FBXO3: variants seen among roughly 807,000 people sequenced by gnomAD.
FBXO3 encodes the protein F-box only protein 3.
Under a neutral mutation model 64.8 loss-of-function variants are expected in FBXO3, and 17 were observed. That is an observed-to-expected ratio of 0.26 (90% confidence interval 0.18 to 0.39). The LOEUF (loss-of-function observed/expected upper bound fraction) is 0.39, where lower values mean the gene tolerates loss of function less well. FBXO3 is among the 10% of genes least tolerant of loss of function. FBXO3 has a pLI of 1.00. For synonymous variants in FBXO3, 182 were observed against 201.6 expected (o/e 0.90, Z 0.82); for missense variants, 420 against 589.9 (o/e 0.71, Z 2.98).
At chr11:33,752,723 T>G (rs1854993071) in intron 6 of FBXO3, among the ~76,000 whole-genome samples, 1 of 152,186 alleles carries the variant, frequency 6.6e-6, no homozygotes, top group Non-Finnish European at 1.5e-5. Context: ...TAAGAAGTTA[T>G]ATAAATAATG....
chr11:33,754,700 T>G (rs1338861533), intron 5 of FBXO3, among the ~76,000 whole-genome samples, 200 bp from the exon 6 acceptor site: 1 of 152,156 alleles, frequency 6.6e-6, no homozygotes, highest in Non-Finnish European at 1.5e-5. Flanking sequence ...TACTCATTTC[T>G]TTCAGTAAAT....
chr11:33,745,867 C>T (rs554137429), intron 10 of FBXO3: 1 of 151,998 alleles, frequency 6.6e-6, no homozygotes, highest in Non-Finnish European at 1.5e-5. Context: ...ATAAAAATTA[C>T]AAACCCCTAA....
chr11:33,761,266 A>C (rs1349677332), intron 3 of FBXO3, among the ~76,000 whole-genome samples: 2 of 152,184 alleles, frequency 1.3e-5, no homozygotes, highest in African/African-American at 4.8e-5. Context: ...ACACATTAGT[A>C]AATCTATTAA....
At chr11:33,766,736 T>C (rs540130258) in intron 3 of FBXO3, among the ~76,000 whole-genome samples, 1 of 152,344 alleles carries the variant, frequency 6.6e-6, no homozygotes, top group South Asian at 2.1e-4. Context: ...AACCTTGCAA[T>C]TGAATCAGAG....
chr11:33,747,287 T>C lies in FBXO3; in HGVS notation c.1082A>G (p.Tyr361Cys). 6.2e-7 allele frequency: 1 copy of C among 1,613,490 alleles called. No individual in the cohort carries two copies. ...GAATGTGGTACAGCTTGTGTATTCA[T>C]ATACCCGACCTGGGCTGATGATTGG... ...EFPIISPGRV[Y>C]EYTSCTTFST... Residue 361 changes from tyrosine to cysteine, a missense_variant, in exon 10 of 11, where the codon TAT (tyrosine) becomes TGT (cysteine). Physicochemically the swap from Tyr to Cys is radical, Grantham distance 194. Around this residue, in one of 3 missense-constraint regions of FBXO3, gnomAD observed 337 missense variants for 518.4 expected, o/e 0.65. Coordinates refer to ENST00000265651, the MANE Select transcript of FBXO3 (RefSeq NM_012175.4).
At chr11:33,744,080 C>T (rs892928556) in intron 10 of FBXO3, 9 of 152,026 alleles carry the variant, frequency 5.9e-5, no homozygotes, top group African/African-American at 1.4e-4. Flanking sequence ...TACACTGATA[C>T]GACTTATAAG....
intron 2 of FBXO3, among the ~76,000 whole-genome samples, chr11:33,769,424 G>A (rs1426990358): frequency 6.6e-6 from 1 of 152,066 alleles, no homozygotes; most frequent in Non-Finnish European, 1.5e-5. Context: ...CACTGAATTA[G>A]TTGAGAATCA....
In FBXO3 at chr11:33,746,666, G is replaced by T. The variant is rs549000161; in HGVS notation, c.1239+464C>A. On this transcript the variant is annotated intron_variant, in intron 10 of 10. Transcript: ENST00000265651. ...TGTCATAAGGTAACCCTAAAAACGA[G>T]ATTTTAAAAAATATACCTAGTTGAC... The T allele has an allele frequency of 1.1e-5, 13 of 1,140,434 alleles. No individual in the cohort carries two copies. The African/African-American group carries it at 1.5e-4, about 14-fold the overall frequency. The allele number at this position is 1,140,434 out of a possible 1,614,324, so 70.6% of individuals were successfully genotyped here. A position where few individuals can be genotyped will look rare whatever the true frequency, so the allele number is the denominator to read the frequency against.
rs528030883 is a variant in FBXO3, at chr11:33,754,625, T to G, written c.679-125A>C. On this transcript the variant is annotated intron_variant, in intron 5 of 10. Transcript: ENST00000265651. ...AAAATAAAGTTGAGATAAGAAGATA[T>G]ATGGCTTGTTATCCTAGAAGAAAGG... is the stretch of plus-strand genomic sequence containing the variant. 1.6e-5 allele frequency: 11 copies of G among 674,980 alleles called. No homozygotes were observed. The African/African-American group carries it at 1.8e-4, about 11-fold the overall frequency. The allele number at this position is 674,980 out of a possible 1,614,324, so 41.8% of individuals were successfully genotyped here. A position where few individuals can be genotyped will look rare whatever the true frequency, so the allele number is the denominator to read the frequency against.
intron 1 of FBXO3, chr11:33,774,052 G>A (rs1855576877): frequency 3.5e-6 from 1 of 288,248 alleles, no homozygotes; most frequent in African/African-American, 2.3e-5. Context: ...CCCCAACCGG[G>A]CGGGCACCTG....
intron 4 of FBXO3, among the ~76,000 whole-genome samples, chr11:33,756,855 G>A (rs1013395697): frequency 2.0e-5 from 3 of 152,094 alleles, no homozygotes; most frequent in Non-Finnish European, 4.4e-5. Flanking sequence ...CTGAGTAGCT[G>A]GAGCTATAAG....
chr11:33,747,814 C>T (rs1183342798), intron 9 of FBXO3, among the ~76,000 whole-genome samples: 1 of 150,560 alleles, frequency 6.6e-6, no homozygotes, highest in Non-Finnish European at 1.5e-5. Flanking sequence ...GCTTAGCCCT[C>T]TCAACATTTT....
At chr11:33,757,656 T>TAAAAAAAAAAAAAA (rs1170445394) in intron 4 of FBXO3, among the ~76,000 whole-genome samples, 504 of 23,964 alleles carry the variant, frequency 0.021, 117 homozygotes, top group Middle Eastern at 0.05. Context: ...CACCATCTCT[T>TAAAAAAAAAAAAAA]AAAAAAAAAA....
At chr11:33,758,622 G>A in intron 3 of FBXO3, 21 bp from the exon 4 acceptor site, 1 of 1,519,948 alleles carries the variant, frequency 6.6e-7, no homozygotes, top group Non-Finnish European at 9.0e-7. Flanking sequence ...ACAAAAAAGA[G>A]TGAATTGTGA....
At chr11:33,759,139 G>A (rs151174197) in intron 3 of FBXO3, among the ~76,000 whole-genome samples, 113 of 152,292 alleles carry the variant, frequency 7.4e-4, no homozygotes, top group African/African-American at 2.5e-3. Flanking sequence ...AGATGAGATC[G>A]ACATTCAGCA....
intron 4 of FBXO3, among the ~76,000 whole-genome samples, chr11:33,756,691 G>C (rs1264459783): frequency 6.6e-6 from 1 of 152,052 alleles, no homozygotes; most frequent in Admixed American, 6.5e-5. Flanking sequence ...CAATAATTTA[G>C]GGTCATCTAG....
intron 3 of FBXO3, among the ~76,000 whole-genome samples, chr11:33,764,371 G>A (rs149669691): frequency 1.3e-5 from 2 of 152,332 alleles, no homozygotes; most frequent in East Asian, 3.9e-4. Context: ...TCTAGGTACA[G>A]ATAATATTCT....
intron 6 of FBXO3, 75 bp from the exon 7 acceptor site, chr11:33,751,682 T>A (rs1854963537): frequency 1.3e-6 from 1 of 799,320 alleles, no homozygotes; most frequent in East Asian, 2.6e-5. Context: ...ACAATTGTAA[T>A]TCCTCTATGC....
Position 33,755,333 on chromosome 11 carries a change from T to C in FBXO3, c.678+438A>G, listed in dbSNP as rs1855068655. 2.0e-5 allele frequency among the ~76,000 whole-genome samples: 3 copies of C among 152,210 alleles called. No individual in the cohort carries two copies. In the South Asian group the frequency reaches 6.2e-4, roughly 31 times the overall value. Reference sequence around the variant, plus strand: ...CAATACCATATTTTCTGTGGTTACATTAAAACAATAAAAGTCTCCTAAAAA... The same window carrying C: ...CAATACCATATTTTCTGTGGTTACACTAAAACAATAAAAGTCTCCTAAAAA... On this transcript the variant is annotated intron_variant, in intron 5 of 10. Transcript: ENST00000265651.
Sources: allele counts gnomAD v4.1 joint callset (sites outside exome capture counted in the v4.1 genomes callset), GRCh38; gene constraint gnomAD v4.1.1; regional missense constraint gnomAD v4.1.1; transcripts MANE v1.5; gene names NCBI Gene and HGNC (gene_info 2026-07-23, HGNC 2026-07-21).